EPHX2: variants seen among roughly 807,000 people sequenced by gnomAD.
The protein encoded by EPHX2 is epoxide hydrolase 2.
Under a neutral mutation model 78.7 loss-of-function variants are expected in EPHX2, and 74 were observed. That is an observed-to-expected ratio of 0.94 (90% CI 0.78 to 1.14). The LOEUF (loss-of-function observed/expected upper bound fraction) is 1.14. Ranked by LOEUF, EPHX2 falls within the 50% of genes most tolerant of loss-of-function variation. EPHX2 has a pLI of 0.00. For missense variants in EPHX2, 715 were observed against 702.5 expected, an observed-to-expected ratio of 1.02 and a Z score of -0.20; for synonymous variants, 251 against 255.2, an observed-to-expected ratio of 0.98 and a Z score of 0.16.
downstream of EPHX2, among the ~76,000 whole-genome samples, chr8:27,545,740 C>T (rs540261223): frequency 2.0e-5 from 3 of 152,310 alleles, no homozygotes; most frequent in African/African-American, 7.2e-5. Context: ...GCACAATGGC[C>T]TCGCTGCTTG....
At chr8:27,509,133 T>G (rs1029790095) in intron 5 of EPHX2, among the ~76,000 whole-genome samples, 2 of 152,100 alleles carry the variant, frequency 1.3e-5, no homozygotes, top group Non-Finnish European at 2.9e-5. Flanking sequence ...ATTTGTCTTT[T>G]TGTAACTGGC....
At chr8:27,536,706 C>A in intron 12 of EPHX2, 78 bp from the exon 13 acceptor site, 1 of 1,516,454 alleles carries the variant, frequency 6.6e-7, no homozygotes, top group Non-Finnish European at 9.1e-7. Context: ...GTGCTTGTTG[C>A]TTTCAGTCAG....
chr8:27,496,421 C>T (rs543198514), intron 1 of EPHX2, among the ~76,000 whole-genome samples: 1 of 152,116 alleles, frequency 6.6e-6, no homozygotes. Context: ...TCTGTGGGAT[C>T]CTCAAAGGCA....
chr8:27,544,581 T>C lies in EPHX2; in HGVS notation c.*59T>C. ...CATCCTTCCACCTGCTGGGGCACCA[T>C]TCTTAGTATACAGAGGTGGCCTTAC... On this transcript the variant is annotated 3_prime_UTR_variant, in exon 19 of 19. Transcript: ENST00000521400. 1.3e-6 allele frequency: 2 copies of C among 1,570,934 alleles called. No individual in the cohort carries two copies. The highest frequency in any genetic ancestry group is 3.3e-5 in the Admixed American group (2 of 59,954).
In EPHX2 at chr8:27,538,944, C is replaced by G. The variant is rs987175600; in HGVS notation, c.1276+252C>G. On this transcript the variant is annotated intron_variant, in intron 14 of 18. Transcript: ENST00000521400. ...GTAAGAGCTTGGAGGAGTCTTAGAG[C>G]TTGTCCAGGGCAAAATCCACCCTCT... The G allele has an allele frequency of 5.8e-6, 3 of 520,284 alleles. No homozygotes were observed. In the Admixed American group the frequency reaches 9.7e-5, roughly 17 times the overall value. The allele number at this position is 520,284 out of a possible 1,614,324, so 32.2% of individuals were successfully genotyped here.
At chr8:27,501,379 T>TTCTTCC in intron 2 of EPHX2, among the ~76,000 whole-genome samples, 1 of 109,812 alleles carries the variant, frequency 9.1e-6, no homozygotes, top group Non-Finnish European at 2.0e-5. Context: ...CTTCTTCTTC[T>TTCTTCC]TCTTCTTCTT....
At chr8:27,509,592 C>T (rs927777948) in intron 5 of EPHX2, among the ~76,000 whole-genome samples, 2 of 152,128 alleles carry the variant, frequency 1.3e-5, no homozygotes, top group African/African-American at 4.8e-5. Context: ...CAGGATTCCC[C>T]CATGTTGATC....
At chr8:27,543,605 G>A (rs1486989070) in intron 16 of EPHX2, 144 bp from the exon 17 acceptor site, 3 of 733,974 alleles carry the variant, frequency 4.1e-6, no homozygotes, top group Middle Eastern at 2.4e-4. Flanking sequence ...AAGATCTCCA[G>A]TAATAACCAC....
intron 14 of EPHX2, 121 bp from the exon 15 acceptor site, chr8:27,540,433 G>A: frequency 1.3e-6 from 1 of 744,882 alleles, no homozygotes; most frequent in African/African-American, 1.7e-5. Context: ...AACAAAAGAT[G>A]GAGGCACTCA....
At chr8:27,511,733 G>T (rs561972763) in intron 5 of EPHX2, 103 bp from the exon 6 acceptor site, 9 of 1,231,868 alleles carry the variant, frequency 7.3e-6, no homozygotes, top group Middle Eastern at 2.2e-4. Context: ...GGATGGAGTG[G>T]AAAAGGTGAT....
At chr8:27,521,008 G>T in intron 10 of EPHX2, 99 bp downstream of exon 10, 1 of 1,503,452 alleles carries the variant, frequency 6.7e-7, no homozygotes, top group East Asian at 2.3e-5. Context: ...CACGGGCAGG[G>T]AGGGCCCATT....
At chr8:27,520,386 T>C (rs1025074532) in intron 9 of EPHX2, among the ~76,000 whole-genome samples, 1 of 151,672 alleles carries the variant, frequency 6.6e-6, no homozygotes. Flanking sequence ...TTCACTTTGT[T>C]ACCAGGCTGG....
At chr8:27,501,149 G>A in intron 2 of EPHX2, 139 bp downstream of exon 2, 3 of 665,940 alleles carry the variant, frequency 4.5e-6, no homozygotes, top group East Asian at 5.6e-5. Flanking sequence ...TGGTATTAAT[G>A]GGAGTATTGC....
rs573812752 is a variant in EPHX2, at chr8:27,525,111, C to T, written c.1059-251C>T. Among the ~76,000 whole-genome samples, 149 of 135,710 alleles carry T rather than the reference C, an allele frequency of 1.1e-3. 1 individual carries two copies. In the East Asian group the frequency reaches 0.025, roughly 22 times the overall value. The allele number at this position is 135,710 out of a possible 152,430, so 89.0% of individuals were successfully genotyped here. The stretch of plus-strand genomic sequence containing the variant: ...GTGTGTGTGTGTGTGTGTGTGTGCG[C>T]GCGCGCGCGCGCACCTATGTGTCTA... On this transcript the variant is annotated intron_variant, in intron 11 of 18. Coordinates refer to ENST00000521400, the MANE Select transcript of EPHX2 (RefSeq NM_001979.6).
chr8:27,515,671 C>A (rs1204230211), intron 6 of EPHX2, 47 bp from the exon 7 acceptor site: 1 of 1,547,646 alleles, frequency 6.5e-7, no homozygotes, highest in South Asian at 1.1e-5. Context: ...CCTGGGTCCA[C>A]TGGGCCTGGT....
chr8:27,513,455 GATT>G (rs1017377921), intron 6 of EPHX2, among the ~76,000 whole-genome samples: 1 of 152,138 alleles, frequency 6.6e-6, no homozygotes, highest in Non-Finnish European at 1.5e-5. Flanking sequence ...AGTTTCAAGA[GATT>G]ATTTATTTGA....
chr8:27,543,885 T>C, intron 17 of EPHX2, 56 bp downstream of exon 17: 3 of 1,575,510 alleles, frequency 1.9e-6, no homozygotes, highest in Non-Finnish European at 2.6e-6. Flanking sequence ...AGGGCACGGG[T>C]GCTCAGAGGG....
At chr8:27,524,549 C>A (rs1045518495) in intron 11 of EPHX2, among the ~76,000 whole-genome samples, 2 of 152,208 alleles carry the variant, frequency 1.3e-5, no homozygotes, top group Non-Finnish European at 2.9e-5. Context: ...TATTTCCCAA[C>A]ATATTCCATT....
Position 27,544,515 on chromosome 8 carries a change from A to G in EPHX2, c.1661A>G (p.Lys554Arg). 1.2e-6 allele frequency: 2 copies of G among 1,613,746 alleles called. No individual in the cohort carries two copies. The highest frequency in any genetic ancestry group is 1.7e-6 in the Non-Finnish European group (2 of 1,180,024). ...SDARNPPVVS[K>R]M ...GCCCGGAACCCACCGGTGGTCTCAA[A>G]GATGTAGAACGCAGCGTGTGCCCAC... The change falls in exon 19 of 19, where the codon AAG becomes AGG. Residue 554 changes from lysine to arginine, a missense_variant. Physicochemically the swap from Lys to Arg is conservative, Grantham distance 26. Transcript: ENST00000521400.
Sources: allele counts gnomAD v4.1 joint callset (sites outside exome capture counted in the v4.1 genomes callset), GRCh38; gene constraint gnomAD v4.1.1; transcripts MANE v1.5; gene names NCBI Gene and HGNC (gene_info 2026-07-23, HGNC 2026-07-21).